DNAI4: variants seen among roughly 807,000 people sequenced by gnomAD.
DNAI4 encodes WD repeat domain 78.
A neutral mutation model predicts 105.8 loss-of-function variants in DNAI4; 85 were observed. The observed-to-expected ratio is 0.80, with a 90% CI of 0.67 to 0.96. The LOEUF (loss-of-function observed/expected upper bound fraction) is 0.96, where lower values mean the gene tolerates loss of function less well. Ranked by LOEUF, DNAI4 falls within the 40% of genes least tolerant of loss-of-function variation. DNAI4 has a pLI of 0.00. For synonymous variants in DNAI4, 352 were observed against 331.5 expected, an observed-to-expected ratio of 1.06 and a Z score of -0.67; for missense variants, 1,014 against 1,005.6, an observed-to-expected ratio of 1.01 and a Z score of -0.11.
At chr1:66,882,907 A>G (rs1647106429) in intron 4 of DNAI4, among the ~76,000 whole-genome samples, 1 of 152,024 alleles carries the variant, frequency 6.6e-6, no homozygotes, top group Non-Finnish European at 1.5e-5. Context: ...ACAATACTGA[A>G]TGTTCCAATG....
At chr1:66,877,316 C>T (rs190812766) in intron 4 of DNAI4, among the ~76,000 whole-genome samples, 1 of 152,250 alleles carries the variant, frequency 6.6e-6, no homozygotes, top group Non-Finnish European at 1.5e-5. Context: ...TGCTGTTTGG[C>T]CCCTACCTTG....
At chr1:66,923,126 T>C (rs1386089934) in intron 1 of DNAI4, among the ~76,000 whole-genome samples, 1 of 152,254 alleles carries the variant, frequency 6.6e-6, no homozygotes, top group Non-Finnish European at 1.5e-5. Context: ...CATACACAAA[T>C]ACTTAGCATT....
intron 9 of DNAI4, among the ~76,000 whole-genome samples, chr1:66,838,360 A>G (rs1406166839): frequency 6.6e-6 from 1 of 152,208 alleles, no homozygotes; most frequent in Non-Finnish European, 1.5e-5. Flanking sequence ...TCTCTCTGCC[A>G]TGTGAGGACA....
intron 13 of DNAI4, among the ~76,000 whole-genome samples, chr1:66,832,012 A>G (rs1160199041): frequency 6.6e-6 from 1 of 152,032 alleles, no homozygotes; most frequent in Non-Finnish European, 1.5e-5. Flanking sequence ...ATTTAGCAAC[A>G]TCTCTGGCAT....
intron 7 of DNAI4, among the ~76,000 whole-genome samples, chr1:66,850,754 G>A (rs146306787): frequency 1.5e-4 from 23 of 151,932 alleles, no homozygotes; most frequent in African/African-American, 4.6e-4. Context: ...AGGTTTCTAC[G>A]CTTTACTTGA....
chr1:66,921,627 C>A (rs918800071), intron 1 of DNAI4, among the ~76,000 whole-genome samples: 4 of 152,180 alleles, frequency 2.6e-5, no homozygotes, highest in Non-Finnish European at 5.9e-5. Context: ...GAGAGTTGGA[C>A]AGTTTTTGTA....
intron 6 of DNAI4, among the ~76,000 whole-genome samples, chr1:66,863,468 G>C (rs1646669229): frequency 6.6e-6 from 1 of 151,884 alleles, no homozygotes; most frequent in African/African-American, 2.4e-5. Context: ...TGTTTGTTTT[G>C]TTTCATTTTT....
intron 8 of DNAI4, among the ~76,000 whole-genome samples, chr1:66,842,816 G>C (rs1396358369): frequency 6.6e-6 from 1 of 152,196 alleles, no homozygotes; most frequent in Non-Finnish European, 1.5e-5. Context: ...CCAGCTTTGA[G>C]TGCTGTCAGT....
chr1:66,879,706 T>G, intron 4 of DNAI4, among the ~76,000 whole-genome samples: 1 of 152,164 alleles, frequency 6.6e-6, no homozygotes, highest in African/African-American at 2.4e-5. Flanking sequence ...TATTATCAGG[T>G]TTTTTTAGCC....
intron 8 of DNAI4, among the ~76,000 whole-genome samples, chr1:66,845,217 T>A (rs1193747535): frequency 0.026 from 975 of 36,904 alleles, no homozygotes; most frequent in East Asian, 0.056. Context: ...AAAGAAAAAT[T>A]AAAAAAAAAA....
intron 5 of DNAI4, among the ~76,000 whole-genome samples, chr1:66,871,747 GCTAGTACTAACTCCATGTAGGTTTTAGT>G (rs1646851839): frequency 6.6e-6 from 1 of 152,168 alleles, no homozygotes; most frequent in South Asian, 2.1e-4. Context: ...TCAATAACAT[GCTAGTACTAACTCCATGTAGGTTTTAGT>G]TCTGAATATT....
chr1:66,827,410 A>T lies in DNAI4; in HGVS notation c.2113-364T>A, dbSNP rs1645777882. Among the ~76,000 whole-genome samples the T allele has an allele frequency of 2.0e-5, 3 of 152,136 alleles. No homozygotes were observed. In the South Asian group the frequency reaches 6.2e-4, roughly 32 times the overall value. On this transcript the variant is annotated intron_variant, in intron 14 of 16. Coordinates refer to ENST00000371026, the MANE Select transcript of DNAI4 (RefSeq NM_024763.5). The stretch of plus-strand genomic sequence containing the variant: ...GTTTGCCTGTAGTCCCAGCTGCTTT[A>T]GAGGCTAAAGTGGGAAGATCAAGTG...
chr1:66,895,911 TGTA>T (rs1377982751), intron 2 of DNAI4, among the ~76,000 whole-genome samples: 3 of 152,174 alleles, frequency 2.0e-5, no homozygotes, highest in African/African-American at 7.2e-5. Context: ...TTATGATGTA[TGTA>T]TTAAGCATTT....
intron 7 of DNAI4, chr1:66,848,034 A>C (rs1004827015): frequency 5.4e-6 from 2 of 368,636 alleles, no homozygotes; most frequent in Non-Finnish European, 1.0e-5. Context: ...TATTGTATTA[A>C]GTTTTCTCTT....
At chr1:66,836,466 T>C (rs1646029504) in intron 10 of DNAI4, among the ~76,000 whole-genome samples, 1 of 152,188 alleles carries the variant, frequency 6.6e-6, no homozygotes, top group African/African-American at 2.4e-5. Flanking sequence ...AAACTAATCA[T>C]CTAGCATATA....
chr1:66,893,099 A>AAGAG (rs1231348149), intron 3 of DNAI4, 130 bp downstream of exon 3: 134 of 447,172 alleles, frequency 3.0e-4, no homozygotes, highest in Non-Finnish European at 4.4e-4. Context: ...GAAAGAAAGA[A>AAGAG]AGAAAGAAAG....
chr1:66,858,884 A>G (rs1159107054), intron 7 of DNAI4, among the ~76,000 whole-genome samples: 2 of 152,184 alleles, frequency 1.3e-5, no homozygotes, highest in Non-Finnish European at 2.9e-5. Context: ...ACTTTCCCCT[A>G]AGATCAGTAA....
intron 16 of DNAI4, among the ~76,000 whole-genome samples, chr1:66,819,884 A>G (rs1038241025): frequency 1.3e-5 from 2 of 152,112 alleles, no homozygotes; most frequent in Non-Finnish European, 2.9e-5. Flanking sequence ...GAGATGGACT[A>G]AGAGAATCAT....
intron 1 of DNAI4, among the ~76,000 whole-genome samples, chr1:66,916,690 G>T (rs569754169): frequency 2.0e-5 from 3 of 152,274 alleles, no homozygotes; most frequent in Non-Finnish European, 4.4e-5. Context: ...GATTAACAGG[G>T]TTTTCTTGAA....
Sources: allele counts gnomAD v4.1 joint callset (sites outside exome capture counted in the v4.1 genomes callset), GRCh38; gene constraint gnomAD v4.1.1; transcripts MANE v1.5; gene names NCBI Gene and HGNC (gene_info 2026-07-23, HGNC 2026-07-21).